MED13L: variants seen among roughly 807,000 people sequenced by gnomAD.
MED13L encodes mediator complex subunit 13L, also known as mediator of RNA polymerase II transcription subunit 13-like.
MED13L carries 7 observed loss-of-function variants against 220.9 expected under a neutral mutation model. The ratio of observed to expected loss-of-function variants is 0.03; its 90% CI spans 0.02 to 0.06. The LOEUF is 0.06. MED13L is among the 10% of genes least tolerant of loss of function. The pLI, the probability that MED13L is intolerant of heterozygous loss-of-function variation, is 1.00. For missense variants in MED13L, 1,965 were observed against 2,760.5 expected, an observed-to-expected ratio of 0.71 and a Z score of 6.46; for synonymous variants, 1,011 against 1,015.2, an observed-to-expected ratio of 1.00 and a Z score of 0.08.
Position 115,991,862 on chromosome 12 carries a change from C to T in MED13L, c.3092G>A (p.Ser1031Asn). ...TGGTAGGACTCCTGCCCCACTATTG[C>T]TGGCTGGGGCAGCGCTGTTCAACGT... ...PVTLNSAAPA[S>N]NSGAGVLPSP... The change falls in exon 17 of 31, where the codon AGC becomes AAC. Residue 1031 changes from serine to asparagine, a missense_variant. By Grantham distance (46) the Ser-to-Asn change is conservative. Transcript: ENST00000281928. The surrounding 1 kb of genome is among the most constrained non-coding windows in gnomAD (Gnocchi z 7.7). 6.2e-7 allele frequency: 1 copy of T among 1,607,762 alleles called. No individual in the cohort carries two copies. The highest frequency in any genetic ancestry group is 8.5e-7 in the Non-Finnish European group (1 of 1,179,922).
chr12:116,135,451 A>G (rs1032709994), intron 2 of MED13L, among the ~76,000 whole-genome samples: 3 of 152,202 alleles, frequency 2.0e-5, no homozygotes, highest in African/African-American at 4.8e-5. Flanking sequence ...CAGCCATTCA[A>G]TTATACTAGC....
chr12:116,188,055 G>C (rs1881013327), intron 2 of MED13L, among the ~76,000 whole-genome samples: 1 of 151,882 alleles, frequency 6.6e-6, no homozygotes, highest in South Asian at 2.1e-4. Context: ...TGGTTTTTCA[G>C]GACTACGATA....
rs1875572313 is a variant in MED13L at position 115,958,729 on chromosome 12, GTAGT to G, written c.*2533_*2536del. The G allele has an allele frequency of 6.6e-6, 1 of 152,380 alleles. No homozygotes were observed. The allele number at this position is 152,380 out of a possible 1,614,324, so 9.4% of individuals were successfully genotyped here. On this transcript the variant is annotated 3_prime_UTR_variant, in exon 31 of 31. Transcript: ENST00000281928. ...TAGTGTACTGTACCAGCGCTATACT[GTAGT>G]TATTTTTTTAAATGAACTTCACATA...
intron 2 of MED13L, among the ~76,000 whole-genome samples, chr12:116,190,957 T>C (rs976111589): frequency 6.6e-6 from 1 of 151,816 alleles, no homozygotes; most frequent in Non-Finnish European, 1.5e-5. Flanking sequence ...TCGGGCGTGG[T>C]GGTGCGTGCC....
At chr12:116,242,754 A>C (rs933611907) in intron 1 of MED13L, among the ~76,000 whole-genome samples, 2 of 152,310 alleles carry the variant, frequency 1.3e-5, no homozygotes, top group Admixed American at 6.5e-5. Flanking sequence ...AGGACTCAGA[A>C]AGGTTGAATA....
Position 115,991,741 on chromosome 12 carries a change from A to G in MED13L, c.3213T>C (p.Ser1071=), listed in dbSNP as rs776386969. ...CTTGATCGGTGCTATCATACTTAAC[A>G]GACCCTTGACCACTGGCAGTGCCCC... is the stretch of plus-strand genomic sequence containing the variant. The part of the protein sequence containing the change: ...RGGGTASGQG[S]VKYDSTDQGS... Residue 1071 remains serine, a synonymous_variant, in exon 17 of 31, where the codon TCT becomes TCC. Transcript: ENST00000281928. The surrounding 1 kb of genome is among the most constrained non-coding windows in gnomAD (Gnocchi z 7.7). The G allele has an allele frequency of 1.9e-6, 3 of 1,613,952 alleles. No individual in the cohort carries two copies. The highest frequency in any genetic ancestry group is 2.5e-6 in the Non-Finnish European group (3 of 1,179,916).
chr12:116,040,033 G>A (rs1003002023), intron 4 of MED13L, among the ~76,000 whole-genome samples: 2 of 152,274 alleles, frequency 1.3e-5, no homozygotes, highest in East Asian at 1.9e-4. Flanking sequence ...TTTTAAGGGG[G>A]ATGGGAGAAA....
chr12:115,985,784 C>T (rs1039618374), intron 19 of MED13L, among the ~76,000 whole-genome samples: 1 of 152,112 alleles, frequency 6.6e-6, no homozygotes, highest in Non-Finnish European at 1.5e-5. Context: ...TGTTAAAACA[C>T]AACAGGGACA....
At chr12:116,101,206 C>A (rs1370592747) in intron 3 of MED13L, among the ~76,000 whole-genome samples, 1 of 152,204 alleles carries the variant, frequency 6.6e-6, no homozygotes, top group African/African-American at 2.4e-5. Flanking sequence ...ACTTTCACCA[C>A]TGAGTTGTAA....
At chr12:116,190,499 C>T (rs1881203274) in intron 2 of MED13L, among the ~76,000 whole-genome samples, 2 of 152,136 alleles carry the variant, frequency 1.3e-5, no homozygotes, top group Admixed American at 6.5e-5. Context: ...AAAACACATT[C>T]CTCCTTATTA....
intron 2 of MED13L, among the ~76,000 whole-genome samples, chr12:116,166,895 G>C (rs1011663335): frequency 1.3e-5 from 2 of 152,202 alleles, no homozygotes; most frequent in East Asian, 3.9e-4. Flanking sequence ...GAAAAATTTA[G>C]TATCACATTT....
At chr12:116,087,082 A>G (rs1277249956) in intron 4 of MED13L, among the ~76,000 whole-genome samples, 2 of 152,194 alleles carry the variant, frequency 1.3e-5, no homozygotes, top group Non-Finnish European at 2.9e-5. Context: ...TTTGATTGGC[A>G]AGCTTTCTCT....
intron 17 of MED13L, among the ~76,000 whole-genome samples, chr12:115,989,597 T>A (rs143588263): frequency 1.3e-5 from 2 of 152,284 alleles, no homozygotes; most frequent in African/African-American, 4.8e-5. Flanking sequence ...ACTTGATACC[T>A]CTACCTGGAT....
intron 2 of MED13L, among the ~76,000 whole-genome samples, chr12:116,212,759 G>A (rs562855578): frequency 1.3e-5 from 2 of 152,046 alleles, no homozygotes; most frequent in South Asian, 2.1e-4. Flanking sequence ...AAAACAACAG[G>A]CTTAAAATAC....
intron 4 of MED13L, among the ~76,000 whole-genome samples, chr12:116,079,290 C>T (rs1871053097): frequency 6.6e-6 from 1 of 151,974 alleles, no homozygotes; most frequent in African/African-American, 2.4e-5. Flanking sequence ...ATAATTATAG[C>T]TCACTGCAGC....
intron 26 of MED13L, 114 bp downstream of exon 26, chr12:115,971,964 T>A: frequency 8.2e-7 from 1 of 1,223,902 alleles, no homozygotes; most frequent in Non-Finnish European, 1.2e-6. Flanking sequence ...CCAAATACAA[T>A]CTTCCCTTAT....
intron 2 of MED13L, among the ~76,000 whole-genome samples, chr12:116,119,654 A>G (rs1021678469): frequency 2.6e-5 from 4 of 151,070 alleles, no homozygotes; most frequent in Non-Finnish European, 4.4e-5. Context: ...AACTTTAAAA[A>G]CTTAGCTGAA....
At chr12:116,016,192 G>C (rs1036529446) in intron 7 of MED13L, among the ~76,000 whole-genome samples, 3 of 151,844 alleles carry the variant, frequency 2.0e-5, no homozygotes, top group Non-Finnish European at 4.4e-5. Flanking sequence ...ACACCTTAAC[G>C]AAAGTCAAGG....
At chr12:115,973,452 T>C (rs1306877877) in intron 25 of MED13L, among the ~76,000 whole-genome samples, 2 of 152,204 alleles carry the variant, frequency 1.3e-5, no homozygotes, top group African/African-American at 4.8e-5. Flanking sequence ...AATCTTTTGA[T>C]GGGCTCCTCC....
Sources: gnomAD v4.1 joint callset for allele counts (sites outside exome capture counted in the v4.1 genomes callset) on GRCh38, gnomAD v4.1.1 for gene constraint, Gnocchi (gnomAD v3.1) non-coding constraint, MANE v1.5 for transcripts, NCBI Gene and HGNC (gene_info 2026-07-23, HGNC 2026-07-21) for gene names.